The following CADM2 variants were observed in gnomAD, a reference collection of about 807,000 sequenced individuals.
The protein encoded by CADM2 is cell adhesion molecule 2, also known as immunoglobulin superfamily member 4D.
Under a neutral mutation model 49.8 loss-of-function variants are expected in CADM2, and 12 were observed. The observed-to-expected ratio is 0.24, with a 90% CI of 0.15 to 0.39. CADM2 has a LOEUF of 0.39. Among genes scored for constraint, CADM2 ranks in the 10% least tolerant of loss-of-function variants. The pLI, the probability that CADM2 is intolerant of heterozygous loss-of-function variation, is 1.00. For synonymous variants in CADM2, 214 were observed against 175.4 expected (o/e 1.22, Z -1.74); for missense variants, 378 against 492.3 (o/e 0.77, Z 2.20).
Position 85,952,135 on chromosome 3 carries a change from G to A in CADM2, c.792-9334G>A, listed in dbSNP as rs137917778. On this transcript the variant is annotated intron_variant, in intron 7 of 9. Transcript: ENST00000383699. Reference sequence around the variant, plus strand: ...ACAATGTGAAGTGTGTCATCATGGCGGAGGTGGAGCTAACAAAATAATTAT... The same window carrying A: ...ACAATGTGAAGTGTGTCATCATGGCAGAGGTGGAGCTAACAAAATAATTAT... 1.7e-3 allele frequency among the ~76,000 whole-genome samples: 262 copies of A among 150,990 alleles called. 3 individuals are homozygous for A. Among genetic ancestry groups the A allele is most frequent in the African/African-American group, 6.1e-3 (253 of 41,392 alleles).
intron 1 of CADM2, among the ~76,000 whole-genome samples, chr3:85,207,930 C>T (rs1424007750): frequency 1.3e-5 from 2 of 152,114 alleles, no homozygotes; most frequent in Admixed American, 6.5e-5. Context: ...CTAGTATAAT[C>T]ATCATGAACC....
intron 1 of CADM2, among the ~76,000 whole-genome samples, chr3:85,700,385 G>A (rs1426870951): frequency 6.6e-6 from 1 of 152,106 alleles, no homozygotes; most frequent in Non-Finnish European, 1.5e-5. Context: ...ACCTAATGTA[G>A]GTGACGGGTT....
chr3:85,889,429 C>G lies in CADM2; in HGVS notation c.529+3102C>G, dbSNP rs139759587. 9.3e-4 allele frequency among the ~76,000 whole-genome samples: 141 copies of G among 152,170 alleles called. 1 individual carries two copies. The highest frequency in any genetic ancestry group is 3.2e-3 in the African/African-American group (134 of 41,526). ...AAGATTTTCTGGTGGAGCAGGCCCA[C>G]GGGGGAGCCTGAAAATGTGCGTGTT... On this transcript the variant is annotated intron_variant, in intron 5 of 9. Transcript: ENST00000383699.
chr3:84,963,644 A>T (rs2030738889), intron 1 of CADM2, among the ~76,000 whole-genome samples: 1 of 152,154 alleles, frequency 6.6e-6, no homozygotes, highest in Non-Finnish European at 1.5e-5. Flanking sequence ...TAACACAAGC[A>T]CAATTTAATT....
chr3:85,475,221 G>T (rs1267422328), intron 1 of CADM2, among the ~76,000 whole-genome samples: 1 of 151,856 alleles, frequency 6.6e-6, no homozygotes. Context: ...ATACAAATTA[G>T]ATAATTGAGG....
rs556322435 is a variant in CADM2, at chr3:85,805,028, C to T, written c.238+2832C>T. ...CGATCTTGGCTCACTGCATCCTCCGCTTCCTCGGCTCCAGCAATTCTCCTG... is the reference window on the plus strand; with the variant it reads ...CGATCTTGGCTCACTGCATCCTCCGTTTCCTCGGCTCCAGCAATTCTCCTG... On this transcript the variant is annotated intron_variant, in intron 3 of 9. Transcript: ENST00000383699. 5.7e-4 allele frequency among the ~76,000 whole-genome samples: 87 copies of T among 152,278 alleles called. 1 individual carries two copies. The highest frequency in any genetic ancestry group is 1.2e-3 in the Admixed American group (18 of 15,284).
At chr3:84,962,875 C>T (rs765033684) in intron 1 of CADM2, among the ~76,000 whole-genome samples, 1 of 152,020 alleles carries the variant, frequency 6.6e-6, no homozygotes, top group Non-Finnish European at 1.5e-5. Context: ...TATATTATCA[C>T]CTATATTTTT....
At chr3:85,403,916 T>C (rs906149657) in intron 1 of CADM2, among the ~76,000 whole-genome samples, 1 of 152,072 alleles carries the variant, frequency 6.6e-6, no homozygotes, top group Admixed American at 6.6e-5. Flanking sequence ...TGCCAAATCC[T>C]GTAACTGAAT....
chr3:85,220,087 C>T (rs72913073), intron 1 of CADM2, among the ~76,000 whole-genome samples: 1 of 151,880 alleles, frequency 6.6e-6, no homozygotes. Flanking sequence ...GTTTTCCATA[C>T]CTCTGAAATA....
intron 1 of CADM2, among the ~76,000 whole-genome samples, chr3:85,522,184 T>C (rs1258157808): frequency 6.6e-6 from 1 of 152,148 alleles, no homozygotes; most frequent in Non-Finnish European, 1.5e-5. Context: ...ATCACGATAT[T>C]ATCCGTCCCC....
chr3:85,456,618 A>G (rs765385293), intron 1 of CADM2, among the ~76,000 whole-genome samples: 1 of 152,068 alleles, frequency 6.6e-6, no homozygotes. Context: ...ACCTTTTCTG[A>G]TAAGATTTTA....
At position 85,004,815 on chromosome 3, in the gene CADM2, G is replaced by C. The variant is rs115892636; in HGVS notation, c.61+45147G>C. On this transcript the variant is annotated intron_variant, in intron 1 of 9. Coordinates refer to ENST00000383699, the MANE Select transcript of CADM2 (RefSeq NM_001167675.2). ...TAATGTATATGGGATAGTGTTCATG[G>C]ATTTTAAGCAGTTATAAGACCTCCA... Among the ~76,000 whole-genome samples, 506 of 152,216 alleles carry C rather than the reference G, an allele frequency of 3.3e-3. 1 individual carries two copies. Among genetic ancestry groups the C allele is most frequent in the African/African-American group, 0.012 (484 of 41,548 alleles).
chr3:85,285,157 G>C (rs1010546380), intron 1 of CADM2, among the ~76,000 whole-genome samples: 2 of 152,100 alleles, frequency 1.3e-5, no homozygotes, highest in African/African-American at 4.8e-5. Context: ...TGGAAAATTA[G>C]GATTGAGTTT....
intron 1 of CADM2, among the ~76,000 whole-genome samples, chr3:85,515,610 A>AAT (rs200627018): frequency 3.9e-4 from 44 of 113,296 alleles, no homozygotes; most frequent in African/African-American, 1.1e-3. Flanking sequence ...CACGCCCACT[A>AAT]ATATATATAT....
chr3:85,622,677 A>G (rs756171901), intron 1 of CADM2, among the ~76,000 whole-genome samples: 28 of 152,126 alleles, frequency 1.8e-4, no homozygotes, highest in Non-Finnish European at 3.5e-4. Context: ...CTTTTCAATA[A>G]TCAAACTTGC....
chr3:85,946,425 A>G (rs1399943357), intron 7 of CADM2, among the ~76,000 whole-genome samples: 5 of 152,046 alleles, frequency 3.3e-5, no homozygotes, highest in African/African-American at 7.2e-5. Flanking sequence ...ATTGGAAAAA[A>G]CTACTTTAAA....
At chr3:84,968,097 A>C (rs767689839) in intron 1 of CADM2, among the ~76,000 whole-genome samples, 2 of 151,816 alleles carry the variant, frequency 1.3e-5, no homozygotes, top group Non-Finnish European at 2.9e-5. Context: ...ATTTTGCTTC[A>C]TTTATTTTCT....
At chr3:86,012,737 C>A in intron 8 of CADM2, 1 of 814,808 alleles carries the variant, frequency 1.2e-6, no homozygotes. Flanking sequence ...CGCCTGTAAT[C>A]CCAGCACTTT....
chr3:85,078,741 C>T (rs1333953421), intron 1 of CADM2, among the ~76,000 whole-genome samples: 5 of 151,246 alleles, frequency 3.3e-5, no homozygotes, highest in Admixed American at 2.0e-4. Flanking sequence ...AAAATATAGC[C>T]GGTAACCCCA....
Sources: gnomAD v4.1 joint callset for allele counts (sites outside exome capture counted in the v4.1 genomes callset) on GRCh38, gnomAD v4.1.1 for gene constraint, MANE v1.5 for transcripts, NCBI Gene and HGNC (gene_info 2026-07-23, HGNC 2026-07-21) for gene names.